Variants in RALA observed in about 807,000 individuals in gnomAD.
RALA encodes ras-related protein Ral-A.
RALA carries 5 observed loss-of-function variants against 24.0 expected under a neutral mutation model. The observed-to-expected ratio is 0.21, with a 90% CI of 0.11 to 0.44. RALA has a LOEUF of 0.44. Ranked by LOEUF, RALA falls within the 20% of genes least tolerant of loss-of-function variation. RALA has a pLI of 0.99. For missense variants in RALA, 95 were observed against 241.2 expected (o/e 0.39, Z 4.01); for synonymous variants, 77 against 83.8 (o/e 0.92, Z 0.44).
At chr7:39,684,066 T>C (rs931978300) in intron 1 of RALA, among the ~76,000 whole-genome samples, 1 of 152,228 alleles carries the variant, frequency 6.6e-6, no homozygotes, top group African/African-American at 2.4e-5. Flanking sequence ...GGCTTAGACT[T>C]GGTATCTTTC....
At chr7:39,624,220 CCCTTTCTTT>C (rs1312413639) in intron 1 of RALA, 2 of 152,274 alleles carry the variant, frequency 1.3e-5, no homozygotes, top group Non-Finnish European at 2.9e-5. Flanking sequence ...TCCCCTCCTT[CCCTTTCTTT>C]CCACTCCTTG....
At chr7:39,686,035 G>T (rs1007061308) in intron 1 of RALA, among the ~76,000 whole-genome samples, 5 of 152,184 alleles carry the variant, frequency 3.3e-5, no homozygotes, top group African/African-American at 1.2e-4. Flanking sequence ...GCGAAACCCT[G>T]TCTCTACTAA....
intron 1 of RALA, among the ~76,000 whole-genome samples, chr7:39,643,138 A>G (rs1791850028): frequency 6.6e-6 from 1 of 152,242 alleles, no homozygotes. Context: ...GAGGTAGAAG[A>G]TAAGGAAACT....
chr7:39,697,294 A>T (rs1197414888), intron 4 of RALA: 1 of 443,888 alleles, frequency 2.3e-6, no homozygotes, highest in Non-Finnish European at 4.5e-6. Context: ...AGAGCGTTTT[A>T]AAATCTCTCC....
chr7:39,692,579 C>G (rs1018459820), intron 3 of RALA, among the ~76,000 whole-genome samples: 2 of 152,116 alleles, frequency 1.3e-5, no homozygotes, highest in African/African-American at 4.8e-5. Context: ...TCTCTGACAT[C>G]CAGCAAAGTT....
In RALA at chr7:39,699,121, A is replaced by ATTTTTTTTTTTT. The variant is rs71560137; in HGVS notation, c.498+2281_498+2292dup. On this transcript the variant is annotated intron_variant, in intron 4 of 4. Coordinates refer to ENST00000005257, the MANE Select transcript of RALA (RefSeq NM_005402.4). ...CAGCAATTTAAGTGCTAAAAATGTT[A>ATTTTTTTTTTTT]TTTTTTTTTTTTTTTTTTTTTTTTT... is the stretch of plus-strand genomic sequence containing the variant. Among the ~76,000 whole-genome samples the ATTTTTTTTTTTT allele has an allele frequency of 7.3e-4, 45 of 61,366 alleles. 3 individuals carry two copies. The highest frequency in any genetic ancestry group is 1.3e-3 in the Non-Finnish European group (38 of 29,572). 40.3% of individuals were successfully genotyped at this position (61,366 alleles called of 152,430 possible). A position where few individuals can be genotyped will look rare whatever the true frequency, so the allele number is the denominator to read the frequency against.
At chr7:39,628,425 T>C (rs1791534049) in intron 1 of RALA, among the ~76,000 whole-genome samples, 1 of 151,656 alleles carries the variant, frequency 6.6e-6, no homozygotes, top group South Asian at 2.1e-4. Context: ...TCTTTCTCTC[T>C]CTTAAAGGCC....
At position 39,706,439 on chromosome 7, in the gene RALA, C is replaced by A. The variant is rs564830247; in HGVS notation, c.*194C>A. The A allele has an allele frequency of 7.4e-5, 39 of 527,420 alleles. 1 individual carries two copies. In the South Asian group the frequency reaches 9.5e-4, roughly 13 times the overall value. The allele number at this position is 527,420 out of a possible 1,614,324, so 32.7% of individuals were successfully genotyped here. ...AAATTAATATGGCTTCACCAAGAAG[C>A]AAAGTTCAACTTATTTCATAATTGC... On this transcript the variant is annotated 3_prime_UTR_variant, in exon 5 of 5. Transcript: ENST00000005257.
At chr7:39,657,618 G>C (rs889314399) in intron 1 of RALA, among the ~76,000 whole-genome samples, 9 of 152,016 alleles carry the variant, frequency 5.9e-5, no homozygotes, top group Non-Finnish European at 1.2e-4. Flanking sequence ...AGGCCTGTAA[G>C]CCTTAAGTGA....
intron 4 of RALA, among the ~76,000 whole-genome samples, chr7:39,703,996 T>A (rs1045676014): frequency 6.6e-6 from 1 of 151,724 alleles, no homozygotes; most frequent in Non-Finnish European, 1.5e-5. Flanking sequence ...CAAAACCCCG[T>A]CTCTACTAAA....
intron 1 of RALA, among the ~76,000 whole-genome samples, chr7:39,649,448 C>G (rs560487534): frequency 6.6e-6 from 1 of 152,136 alleles, no homozygotes; most frequent in Non-Finnish European, 1.5e-5. Flanking sequence ...AGTTCACGAG[C>G]GCAGAGTCCT....
chr7:39,690,448 G>A lies in RALA; in HGVS notation c.181G>A (p.Glu61Lys). ...YRKKVVLDGE[E>K]VQIDILDTAG... ...GAAGAAGGTAGTGCTAGATGGGGAG[G>A]AAGTCCAGATCGATATCTTAGATAC... The change falls in exon 3 of 5, where the codon GAA (glutamate) becomes AAA (lysine). Residue 61 changes from glutamate (E) to lysine (K), a missense_variant. Physicochemically the swap from Glu to Lys is moderately conservative, Grantham distance 56 (BLOSUM62 1). Coordinates refer to ENST00000005257, the MANE Select transcript of RALA (RefSeq NM_005402.4). 1 of 1,614,112 alleles carries A rather than the reference G, an allele frequency of 6.2e-7. No homozygotes were observed. Among genetic ancestry groups the A allele is most frequent in the Non-Finnish European group, 8.5e-7 (1 of 1,179,980 alleles).
chr7:39,692,405 CA>C (rs1425883004), intron 3 of RALA, among the ~76,000 whole-genome samples: 1 of 152,262 alleles, frequency 6.6e-6, no homozygotes, highest in East Asian at 1.9e-4. Context: ...TGTCTTGATT[CA>C]AAAACCTTTA....
At chr7:39,699,134 T>A (rs1012886259) in intron 4 of RALA, among the ~76,000 whole-genome samples, 9 of 119,982 alleles carry the variant, frequency 7.5e-5, no homozygotes, top group East Asian at 2.2e-4. Context: ...TTTTTTTTTT[T>A]TTTTTTTTTT....
At chr7:39,686,222 A>AAG (rs1438274440) in intron 1 of RALA, among the ~76,000 whole-genome samples, 1 of 151,944 alleles carries the variant, frequency 6.6e-6, no homozygotes, top group Non-Finnish European at 1.5e-5. Flanking sequence ...AAAAAAAAAA[A>AAG]AGGAAGAAAC....
intron 4 of RALA, among the ~76,000 whole-genome samples, chr7:39,698,108 T>C (rs1792955067): frequency 6.6e-6 from 1 of 152,134 alleles, no homozygotes; most frequent in Non-Finnish European, 1.5e-5. Flanking sequence ...TGGATTTCCT[T>C]ATACCTTCCT....
At chr7:39,684,987 C>G (rs959505002) in intron 1 of RALA, among the ~76,000 whole-genome samples, 2 of 152,216 alleles carry the variant, frequency 1.3e-5, no homozygotes, top group East Asian at 1.9e-4. Flanking sequence ...CTCACTGTTT[C>G]TGGTATACTA....
intron 1 of RALA, among the ~76,000 whole-genome samples, chr7:39,672,781 C>T (rs1030914323): frequency 6.6e-6 from 1 of 151,972 alleles, no homozygotes; most frequent in Non-Finnish European, 1.5e-5. Flanking sequence ...AACAGTAAGG[C>T]CTGAAATCCT....
intron 1 of RALA, among the ~76,000 whole-genome samples, chr7:39,647,936 A>G (rs924696766): frequency 2.6e-5 from 4 of 152,214 alleles, no homozygotes; most frequent in Non-Finnish European, 4.4e-5. Context: ...ATAACTTTTC[A>G]AGTATCTGTC....
Sources: gnomAD v4.1 joint callset for allele counts (sites outside exome capture counted in the v4.1 genomes callset) on GRCh38, gnomAD v4.1.1 for gene constraint, MANE v1.5 for transcripts, NCBI Gene and HGNC (gene_info 2026-07-23, HGNC 2026-07-21) for gene names.